Variants in RPS6KB1 observed in about 807,000 individuals in gnomAD.
RPS6KB1 encodes ribosomal protein S6 kinase B1, also known as ribosomal protein S6 kinase beta-1.
Under a neutral mutation model 70.2 loss-of-function variants are expected in RPS6KB1, and 12 were observed. The ratio of observed to expected loss-of-function variants is 0.17; its 90% confidence interval spans 0.11 to 0.28. RPS6KB1 has a LOEUF of 0.28. Among genes scored for constraint, RPS6KB1 ranks in the 10% least tolerant of loss-of-function variants. The probability of loss-of-function intolerance (pLI) is 1.00; values close to 1 mark genes in which losing one functional copy is unlikely to be tolerated. For missense variants in RPS6KB1, 270 were observed against 646.6 expected (o/e 0.42, Z 6.32); for synonymous variants, 175 against 211.2 (o/e 0.83, Z 1.49).
At chr17:59,914,596 A>G in intron 3 of RPS6KB1, 39 bp from the exon 4 acceptor site, 1 of 1,451,762 alleles carries the variant, frequency 6.9e-7, no homozygotes, top group Non-Finnish European at 9.7e-7. Context: ...TGCCTGACAT[A>G]GTTTGCCTTT....
chr17:59,905,934 G>A (rs2042240180), intron 1 of RPS6KB1, among the ~76,000 whole-genome samples: 1 of 152,052 alleles, frequency 6.6e-6, no homozygotes, highest in African/African-American at 2.4e-5. Context: ...GGGACTACAG[G>A]CATACAACAC....
At chr17:59,916,682 T>A (rs545050630) in intron 4 of RPS6KB1, among the ~76,000 whole-genome samples, 35 of 152,312 alleles carry the variant, frequency 2.3e-4, no homozygotes, top group Non-Finnish European at 4.3e-4. Context: ...ATGACTGGAC[T>A]CTTTCTTCAC....
chr17:59,910,565 C>T lies in RPS6KB1; in HGVS notation c.145C>T (p.Gln49Ter). ...GSEDELEEGGQLNESMDHGGV... is the reference protein window; with the variant it reads ...GSEDELEEGG The stretch of plus-strand genomic sequence containing the variant: ...AAACTTTTAACATATTTTTCAGGGT[C>T]AGTTAAATGAAAGCATGGACCATGG... The change falls in exon 2 of 15, where the codon CAG becomes TAG. Residue 49 changes from glutamine (Q) to a stop codon, truncating the protein, a stop_gained. Coordinates refer to ENST00000225577, the MANE Select transcript of RPS6KB1 (RefSeq NM_003161.4). LOFTEE classifies it high-confidence loss of function. 6.3e-7 allele frequency: 1 copy of T among 1,576,850 alleles called. No homozygotes were observed. The highest frequency in any genetic ancestry group is 8.7e-7 in the Non-Finnish European group (1 of 1,154,298).
At chr17:59,910,288 AT>A (rs2042557643) in intron 1 of RPS6KB1, among the ~76,000 whole-genome samples, 1 of 151,928 alleles carries the variant, frequency 6.6e-6, no homozygotes, top group Non-Finnish European at 1.5e-5. Flanking sequence ...CTGGTATGCT[AT>A]GATCATACCC....
chr17:59,930,411 G>A (rs757589945), intron 6 of RPS6KB1: 95 of 398,240 alleles, frequency 2.4e-4, no homozygotes, highest in Non-Finnish European at 3.7e-4. Flanking sequence ...CATTCTCATT[G>A]CGGCTTTCTT....
At chr17:59,943,921 T>TAC (rs1457749352) in intron 13 of RPS6KB1, among the ~76,000 whole-genome samples, 10 of 139,692 alleles carry the variant, frequency 7.2e-5, no homozygotes, top group South Asian at 4.7e-4. Flanking sequence ...TATATATATA[T>TAC]ACACACATAC....
intron 13 of RPS6KB1, 52 bp from the exon 14 acceptor site, chr17:59,945,354 T>G: frequency 3.1e-6 from 3 of 964,344 alleles, no homozygotes; most frequent in South Asian, 1.4e-5. Flanking sequence ...CCCCATTCTC[T>G]TGAGATACAT....
chr17:59,907,795 G>A (rs759331737), intron 1 of RPS6KB1, among the ~76,000 whole-genome samples: 3 of 152,028 alleles, frequency 2.0e-5, no homozygotes, highest in Non-Finnish European at 4.4e-5. Context: ...TTGGACTCCC[G>A]AAGTTATTTA....
At chr17:59,926,846 C>T (rs16943954) in intron 5 of RPS6KB1, among the ~76,000 whole-genome samples, 5,308 of 152,024 alleles carry the variant, frequency 0.035, 284 homozygotes, top group African/African-American at 0.12. Context: ...AAACGAATAC[C>T]TAAGTGATGC....
chr17:59,904,287 G>C (rs146020254), intron 1 of RPS6KB1, among the ~76,000 whole-genome samples: 2 of 151,136 alleles, frequency 1.3e-5, no homozygotes, highest in Admixed American at 1.3e-4. Flanking sequence ...CACCACGTTG[G>C]TCAGGCTGGT....
intron 12 of RPS6KB1, among the ~76,000 whole-genome samples, chr17:59,938,432 A>C: frequency 6.6e-6 from 1 of 151,596 alleles, no homozygotes; most frequent in African/African-American, 2.4e-5. Flanking sequence ...TAAGGATTTA[A>C]TCAAGGTCTG....
At chr17:59,922,208 T>G (rs983973836) in intron 4 of RPS6KB1, among the ~76,000 whole-genome samples, 6 of 152,076 alleles carry the variant, frequency 3.9e-5, no homozygotes, top group Non-Finnish European at 5.9e-5. Flanking sequence ...GCCTGCCTAA[T>G]TTTTGTAATT....
At chr17:59,942,038 G>A (rs951939511) in intron 13 of RPS6KB1, among the ~76,000 whole-genome samples, 8 of 151,894 alleles carry the variant, frequency 5.3e-5, no homozygotes, top group African/African-American at 1.9e-4. Context: ...TTTTGTATTT[G>A]TAGTAGAGAC....
In RPS6KB1 at chr17:59,934,798, T is replaced by TA. The variant is rs2044138561; in HGVS notation, c.870+278dup. The TA allele has an allele frequency of 2.4e-6, 1 of 423,766 alleles. No homozygotes were observed. The highest frequency in any genetic ancestry group is 2.0e-5 in the African/African-American group (1 of 49,782). The allele number at this position is 423,766 out of a possible 1,614,324, so 26.3% of individuals were successfully genotyped here. On this transcript the variant is annotated intron_variant, in intron 9 of 14. Coordinates refer to ENST00000225577, the MANE Select transcript of RPS6KB1 (RefSeq NM_003161.4). The surrounding 1 kb of genome is among the most constrained non-coding windows in gnomAD (Gnocchi z 4.8). ...TTTTATAAATGGAGAAATTGAAGCA[T>TA]AAAATCACATAGCTCACTTATCACA...
At position 59,947,978 on chromosome 17, in the gene RPS6KB1, T is replaced by C. The variant is rs2045027934; in HGVS notation, c.*1190T>C. 5.4e-6 allele frequency: 1 copy of C among 185,278 alleles called. No homozygotes were observed. Among genetic ancestry groups the C allele is most frequent in the South Asian group, 1.9e-4 (1 of 5,154 alleles). The allele number at this position is 185,278 out of a possible 1,614,324, so 11.5% of individuals were successfully genotyped here. ...TTTAAAAAGAAAAAAAGGTCTATTT[T>C]TTTTTCTCCTATACTTGGGCTACAT... On this transcript the variant is annotated 3_prime_UTR_variant, in exon 15 of 15. Transcript: ENST00000225577.
chr17:59,946,917 C>G lies in RPS6KB1; in HGVS notation c.*129C>G. The G allele has an allele frequency of 6.7e-7, 1 of 1,499,462 alleles. No individual in the cohort carries two copies. Among genetic ancestry groups the G allele is most frequent in the Non-Finnish European group, 8.9e-7 (1 of 1,126,536 alleles). The allele number at this position is 1,499,462 out of a possible 1,614,324, so 92.9% of individuals were successfully genotyped here. A position where few individuals can be genotyped will look rare whatever the true frequency, so the allele number is the denominator to read the frequency against. ...ATGTCATTACATAGAACACTTCAGA[C>G]ACAGGAAAAATAAACGTGGATTTTA... On this transcript the variant is annotated 3_prime_UTR_variant, in exon 15 of 15. Coordinates refer to ENST00000225577, the MANE Select transcript of RPS6KB1 (RefSeq NM_003161.4). The surrounding 1 kb of genome is among the most constrained non-coding windows in gnomAD (Gnocchi z 4.2).
At position 59,947,225 on chromosome 17, in the gene RPS6KB1, T is replaced by C. The variant is rs566154604; in HGVS notation, c.*437T>C. The C allele has an allele frequency of 9.7e-7, 1 of 1,028,372 alleles. No homozygotes were observed. The highest frequency in any genetic ancestry group is 1.2e-6 in the Non-Finnish European group (1 of 858,378). The allele number at this position is 1,028,372 out of a possible 1,614,324, so 63.7% of individuals were successfully genotyped here. Reference sequence around the variant, plus strand: ...TTAGCATGCAAGCTTGGTCAAACTTTTTCCAGCAAAATGGAAGCAAAGACA... The same window carrying C: ...TTAGCATGCAAGCTTGGTCAAACTTCTTCCAGCAAAATGGAAGCAAAGACA... On this transcript the variant is annotated 3_prime_UTR_variant, in exon 15 of 15. Transcript: ENST00000225577.
intron 13 of RPS6KB1, 56 bp downstream of exon 13, chr17:59,940,999 T>C (rs1301279424): frequency 6.3e-6 from 7 of 1,108,326 alleles, no homozygotes; most frequent in African/African-American, 1.6e-5. Context: ...GGATGGGCTC[T>C]TCAAAGAAAA....
At chr17:59,939,507 T>C (rs1281579833) in intron 12 of RPS6KB1, among the ~76,000 whole-genome samples, 2 of 150,022 alleles carry the variant, frequency 1.3e-5, no homozygotes, top group African/African-American at 4.9e-5. Context: ...CTTCAACTCC[T>C]GAGCTCAAAA....
Sources: allele counts gnomAD v4.1 joint callset (sites outside exome capture counted in the v4.1 genomes callset), GRCh38; gene constraint gnomAD v4.1.1; non-coding constraint Gnocchi (gnomAD v3.1); transcripts MANE v1.5; gene names NCBI Gene and HGNC (gene_info 2026-07-23, HGNC 2026-07-21).